PTPRN2: variants seen among roughly 807,000 people sequenced by gnomAD.
PTPRN2 encodes the protein protein tyrosine phosphatase receptor type N2.
Under a neutral mutation model 118.8 loss-of-function variants are expected in PTPRN2, and 74 were observed. The ratio of observed to expected loss-of-function variants is 0.62; its 90% CI spans 0.52 to 0.76. The LOEUF is 0.76. Ranked by LOEUF, PTPRN2 falls within the 30% of genes least tolerant of loss-of-function variation. PTPRN2 has a pLI of 0.00. For missense variants in PTPRN2, 1,481 were observed against 1,394.4 expected, an observed-to-expected ratio of 1.06 and a Z score of -0.99; for synonymous variants, 641 against 608.0, an observed-to-expected ratio of 1.05 and a Z score of -0.80.
intron 2 of PTPRN2, among the ~76,000 whole-genome samples, chr7:158,397,738 TTG>T (rs1488079187): frequency 2.0e-5 from 3 of 152,228 alleles, no homozygotes; most frequent in Non-Finnish European, 2.9e-5. Flanking sequence ...AGAAGATGCC[TTG>T]TGAGGCCTCT....
At chr7:157,561,959 C>T (rs375972490) in intron 21 of PTPRN2, among the ~76,000 whole-genome samples, 6 of 152,350 alleles carry the variant, frequency 3.9e-5, no homozygotes, top group Admixed American at 6.5e-5. Context: ...CACACTTTCA[C>T]GGTTTACCCT....
At position 158,134,073 on chromosome 7, in the gene PTPRN2, C is replaced by A. The variant is rs2150441059; in HGVS notation, c.1174-14G>T. The A allele has an allele frequency of 1.2e-6, 2 of 1,607,084 alleles. No homozygotes were observed. Among genetic ancestry groups the A allele is most frequent in the East Asian group, 4.5e-5 (2 of 44,728 alleles). ...CAGACGATGGACCTGACAGAGAGGA[C>A]ATTCCGTGAGGGACGTCTGCGAAAG... On this transcript the variant is annotated splice_polypyrimidine_tract_variant and intron_variant, in intron 8 of 22. Transcript: ENST00000389418.
chr7:157,581,006 G>C (rs1426413961), intron 17 of PTPRN2, among the ~76,000 whole-genome samples: 189 of 23,952 alleles, frequency 7.9e-3, no homozygotes, highest in Admixed American at 0.025. Flanking sequence ...CTGCACACCC[G>C]AGCCCCTGCA....
At chr7:158,185,684 T>C (rs1825073320) in intron 5 of PTPRN2, among the ~76,000 whole-genome samples, 1 of 152,196 alleles carries the variant, frequency 6.6e-6, no homozygotes, top group South Asian at 2.1e-4. Context: ...CCTTTCGAGT[T>C]TCCATCGTAC....
intron 3 of PTPRN2, among the ~76,000 whole-genome samples, chr7:158,293,548 C>A (rs1800256901): frequency 6.6e-6 from 1 of 151,940 alleles, no homozygotes. Context: ...TGTTCTCCAG[C>A]CTAGGTGACA....
intron 12 of PTPRN2, among the ~76,000 whole-genome samples, chr7:157,898,463 G>T (rs1229684931): frequency 6.6e-6 from 1 of 152,178 alleles, no homozygotes; most frequent in Admixed American, 6.5e-5. Context: ...GGACTTCAAA[G>T]GCCCTAAGAC....
rs549589455 is a variant in PTPRN2, at chr7:158,201,911, G to T, written c.380+3260C>A. 3.3e-5 allele frequency among the ~76,000 whole-genome samples: 5 copies of T among 152,216 alleles called. No homozygotes were observed. The South Asian group carries it at 1.0e-3, about 32-fold the overall frequency. On this transcript the variant is annotated intron_variant, in intron 4 of 22. Transcript: ENST00000389418. ...CCAAGCTGCACCCTGAGCACCCTGG[G>T]CCCATGTTCTCAGGGCCTCCTGAGG... is the stretch of plus-strand genomic sequence containing the variant.
chr7:157,819,863 GCAGT>G (rs1204023081), intron 12 of PTPRN2, among the ~76,000 whole-genome samples: 9 of 150,894 alleles, frequency 6.0e-5, no homozygotes, highest in African/African-American at 2.2e-4. Flanking sequence ...ACCCACACAT[GCAGT>G]CACACACACG....
intron 3 of PTPRN2, among the ~76,000 whole-genome samples, chr7:158,301,736 C>G (rs1041092426): frequency 2.6e-5 from 4 of 152,100 alleles, no homozygotes; most frequent in Admixed American, 6.5e-5. Context: ...ATTGCTTGAG[C>G]CCAGGAGTTT....
chr7:157,639,858 C>T (rs553958415), intron 14 of PTPRN2, among the ~76,000 whole-genome samples: 20 of 152,308 alleles, frequency 1.3e-4, no homozygotes, highest in African/African-American at 2.6e-4. Flanking sequence ...AATGGGAAGA[C>T]GCTTGAAACA....
intron 17 of PTPRN2, among the ~76,000 whole-genome samples, chr7:157,580,688 G>A (rs1271621939): frequency 5.8e-5 from 7 of 119,680 alleles, no homozygotes; most frequent in African/African-American, 2.4e-4. Context: ...GCACACCCCA[G>A]CACCTGGACA....
chr7:158,283,899 G>A (rs1459535229), intron 3 of PTPRN2, among the ~76,000 whole-genome samples: 1 of 152,192 alleles, frequency 6.6e-6, no homozygotes, highest in Non-Finnish European at 1.5e-5. Context: ...ACCTCACAGA[G>A]AAGCAAACCC....
At chr7:158,474,755 G>A (rs1405788083) in intron 2 of PTPRN2, among the ~76,000 whole-genome samples, 3 of 152,228 alleles carry the variant, frequency 2.0e-5, no homozygotes, top group African/African-American at 7.2e-5. Flanking sequence ...TCGGCTAAGA[G>A]GCGGGTGACC....
At chr7:158,228,274 T>A (rs893986896) in intron 3 of PTPRN2, among the ~76,000 whole-genome samples, 18 of 152,150 alleles carry the variant, frequency 1.2e-4, no homozygotes, top group Non-Finnish European at 2.6e-4. Context: ...TTATGCCACA[T>A]CCTCATGCAT....
At chr7:158,480,721 G>A (rs1820587886) in intron 2 of PTPRN2, among the ~76,000 whole-genome samples, 2 of 152,244 alleles carry the variant, frequency 1.3e-5, no homozygotes. Flanking sequence ...GAGAAAGTCT[G>A]AGTGGTCTGG....
chr7:157,730,288 C>G (rs1019893007), intron 12 of PTPRN2, among the ~76,000 whole-genome samples: 2 of 152,172 alleles, frequency 1.3e-5, no homozygotes, highest in African/African-American at 4.8e-5. Flanking sequence ...TAAGGCTCGT[C>G]TTCTACGCCA....
intron 14 of PTPRN2, among the ~76,000 whole-genome samples, chr7:157,652,939 G>A (rs1805766968): frequency 6.6e-6 from 1 of 152,238 alleles, no homozygotes; most frequent in Non-Finnish European, 1.5e-5. Context: ...GCTCCAGTGG[G>A]TAGAGTGCCC....
intron 11 of PTPRN2, among the ~76,000 whole-genome samples, chr7:157,933,313 A>G (rs1385771984): frequency 5.1e-4 from 52 of 101,068 alleles, no homozygotes; most frequent in African/African-American, 6.7e-4. Flanking sequence ...TTTTAGAGGA[A>G]GGGTGAGTCA....
chr7:157,965,243 C>A (rs542021266), intron 11 of PTPRN2, among the ~76,000 whole-genome samples: 1 of 152,178 alleles, frequency 6.6e-6, no homozygotes, highest in Non-Finnish European at 1.5e-5. Context: ...AATTTCAAGA[C>A]GAACCCTTTT....
Sources: gnomAD v4.1 joint callset for allele counts (sites outside exome capture counted in the v4.1 genomes callset) on GRCh38, gnomAD v4.1.1 for gene constraint, MANE v1.5 for transcripts, NCBI Gene and HGNC (gene_info 2026-07-23, HGNC 2026-07-21) for gene names.